THSD7A: variants seen among roughly 807,000 people sequenced by gnomAD.
THSD7A encodes the protein thrombospondin type-1 domain-containing protein 7A.
In THSD7A, 96 loss-of-function variants were observed where a neutral mutation model predicts 231.3. That is an observed-to-expected ratio of 0.41 (90% CI 0.35 to 0.49). The LOEUF is 0.49. Among genes scored for constraint, THSD7A ranks in the 20% least tolerant of loss-of-function variants. The pLI is 0.05. For missense variants in THSD7A, 2,290 were observed against 2,070.2 expected (o/e 1.11, Z -2.06); for synonymous variants, 940 against 743.3 (o/e 1.26, Z -4.30).
intron 1 of THSD7A, among the ~76,000 whole-genome samples, chr7:11,759,796 T>C (rs1782797912): frequency 1.3e-5 from 2 of 152,056 alleles, no homozygotes. Context: ...ATAACAATAG[T>C]GAACTAAAGA....
intron 17 of THSD7A, among the ~76,000 whole-genome samples, chr7:11,416,798 C>G (rs961326177): frequency 2.0e-5 from 3 of 152,174 alleles, no homozygotes; most frequent in African/African-American, 4.8e-5. Context: ...TCAAATGACT[C>G]TCTTCCCAGA....
chr7:11,564,200 A>G (rs1315100319), intron 4 of THSD7A, among the ~76,000 whole-genome samples: 1 of 152,200 alleles, frequency 6.6e-6, no homozygotes, highest in Non-Finnish European at 1.5e-5. Context: ...CCTGAAGAGC[A>G]TTCCTTTTTC....
intron 1 of THSD7A, among the ~76,000 whole-genome samples, chr7:11,802,064 C>T (rs1784292056): frequency 6.6e-6 from 1 of 152,154 alleles, no homozygotes; most frequent in Admixed American, 6.6e-5. Context: ...AACCACAAAA[C>T]TTCCGTCACA....
At chr7:11,598,087 C>T (rs1780428602) in intron 2 of THSD7A, among the ~76,000 whole-genome samples, 1 of 152,202 alleles carries the variant, frequency 6.6e-6, no homozygotes, top group South Asian at 2.1e-4. Flanking sequence ...GAAGGGAAAT[C>T]TTACCAGTGA....
At chr7:11,476,524 T>A (rs1362665884) in intron 7 of THSD7A, among the ~76,000 whole-genome samples, 1 of 152,106 alleles carries the variant, frequency 6.6e-6, no homozygotes, top group Admixed American at 6.6e-5. Context: ...TACTCAAGAT[T>A]GTGTAGAAAG....
At chr7:11,829,517 A>G (rs1038545066) in intron 1 of THSD7A, among the ~76,000 whole-genome samples, 8 of 152,154 alleles carry the variant, frequency 5.3e-5, no homozygotes, top group African/African-American at 1.4e-4. Context: ...AACTTTCACT[A>G]CATCATTTTA....
chr7:11,775,357 A>G (rs762290883), intron 1 of THSD7A, among the ~76,000 whole-genome samples: 10 of 152,190 alleles, frequency 6.6e-5, no homozygotes, highest in Admixed American at 1.3e-4. Context: ...GTATAAACCC[A>G]AAATAATTGA....
intron 1 of THSD7A, among the ~76,000 whole-genome samples, chr7:11,803,973 T>G (rs1406680413): frequency 1.3e-5 from 2 of 152,120 alleles, no homozygotes. Flanking sequence ...AAATACAGTT[T>G]TGTATGTATT....
In THSD7A at chr7:11,814,772, C is replaced by A. The variant is rs567814895; in HGVS notation, c.190+16985G>T. Reference sequence around the variant, plus strand: ...TTATGAATTATTTGATTTCATAAATCCAAATCCATTTTGATGACTCTCCCA... The same window carrying A: ...TTATGAATTATTTGATTTCATAAATACAAATCCATTTTGATGACTCTCCCA... On this transcript the variant is annotated intron_variant, in intron 1 of 27. Transcript: ENST00000423059. The surrounding 1 kb of genome is among the most constrained non-coding windows in gnomAD (Gnocchi z 5.1). Among the ~76,000 whole-genome samples, 1 of 152,080 alleles carries A rather than the reference C, an allele frequency of 6.6e-6. No homozygotes were observed. Among genetic ancestry groups the A allele is most frequent in the Non-Finnish European group, 1.5e-5 (1 of 68,004 alleles).
At chr7:11,752,431 A>T (rs1026982437) in intron 1 of THSD7A, among the ~76,000 whole-genome samples, 1 of 152,076 alleles carries the variant, frequency 6.6e-6, no homozygotes, top group African/African-American at 2.4e-5. Context: ...TGAAAGCAAT[A>T]TCAGTCCTTT....
rs184540189 is a variant in THSD7A, at chr7:11,504,165, C to T, written c.1823-22183G>A. Among the ~76,000 whole-genome samples the T allele has an allele frequency of 5.8e-4, 89 of 152,204 alleles. 2 individuals are homozygous for T. The highest frequency in any genetic ancestry group is 4.9e-4 in the Non-Finnish European group (33 of 68,004). The stretch of plus-strand genomic sequence containing the variant: ...CGAGATCATGTCTCTTGTGGGAACA[C>T]GGATGGAGCTGGAGGATATCATCCT... On this transcript the variant is annotated intron_variant, in intron 6 of 27. Coordinates refer to ENST00000423059, the MANE Select transcript of THSD7A (RefSeq NM_015204.3).
At chr7:11,546,757 G>A (rs1057376149) in intron 4 of THSD7A, among the ~76,000 whole-genome samples, 4 of 152,120 alleles carry the variant, frequency 2.6e-5, no homozygotes, top group African/African-American at 9.7e-5. Flanking sequence ...TTCAGAGTCT[G>A]GATGGCAATG....
At position 11,566,968 on chromosome 7, in the gene THSD7A, G is replaced by T. The variant is rs866359014; in HGVS notation, c.1453+23492C>A. On this transcript the variant is annotated intron_variant, in intron 4 of 27. Coordinates refer to ENST00000423059, the MANE Select transcript of THSD7A (RefSeq NM_015204.3). ...AGTGGATCCAGCTGTGGGAGAGTGG[G>T]GGGGGGACTGACCAACAAAGTTTCC... Among the ~76,000 whole-genome samples, 2 of 55,922 alleles carry T rather than the reference G, an allele frequency of 3.6e-5. 1 individual carries two copies. The highest frequency in any genetic ancestry group is 6.5e-5 in the Non-Finnish European group (2 of 30,792). 36.7% of individuals were successfully genotyped at this position (55,922 alleles called of 152,430 possible).
At chr7:11,733,165 T>C (rs1298407553) in intron 1 of THSD7A, among the ~76,000 whole-genome samples, 1 of 151,826 alleles carries the variant, frequency 6.6e-6, no homozygotes, top group Non-Finnish European at 1.5e-5. Context: ...GTAATAAAAA[T>C]CAATCAGTGA....
At chr7:11,438,541 G>C (rs1380188126) in intron 13 of THSD7A, among the ~76,000 whole-genome samples, 1 of 151,724 alleles carries the variant, frequency 6.6e-6, no homozygotes, top group Non-Finnish European at 1.5e-5. Flanking sequence ...AAGCATACTA[G>C]GCAAAGAGAG....
chr7:11,577,704 T>A (rs1367384386), intron 4 of THSD7A, among the ~76,000 whole-genome samples: 2 of 151,506 alleles, frequency 1.3e-5, no homozygotes, highest in East Asian at 3.9e-4. Flanking sequence ...AAGCTCCCTA[T>A]CTGGGCATTT....
Position 11,432,986 on chromosome 7 carries a change from C to G in THSD7A, c.3065-3861G>C, listed in dbSNP as rs116356359. 3.5e-3 allele frequency among the ~76,000 whole-genome samples: 534 copies of G among 152,086 alleles called. 3 individuals carry two copies. The highest frequency in any genetic ancestry group is 0.012 in the African/African-American group (509 of 41,542). On this transcript the variant is annotated intron_variant, in intron 13 of 27. Transcript: ENST00000423059. ...GTGGGCATTAGTCCCAGATAATCTT[C>G]TGGAGGGCAGATGTGGCAGAGTTGG...
rs1318914594 is a variant in THSD7A, at chr7:11,417,492, G to A, written c.3495C>T (p.Asp1165=). ...SRVCKLPCPE[D]CVISEWGPWT... is the part of the protein sequence containing the mutation. Reference sequence around the variant, plus strand: ...ATGGACCCCATTCAGATATCACACAGTCCTCAGGGCATGGTAATTTGCACA... The same window carrying A: ...ATGGACCCCATTCAGATATCACACAATCCTCAGGGCATGGTAATTTGCACA... The change falls in exon 17 of 28, where the codon GAC becomes GAT. Residue 1165 remains aspartate, a synonymous_variant. Transcript: ENST00000423059. The A allele has an allele frequency of 1.2e-6, 2 of 1,613,256 alleles. No homozygotes were observed. The highest frequency in any genetic ancestry group is 1.1e-5 in the South Asian group (1 of 90,960).
rs571153170 is a variant in THSD7A at position 11,685,205 on chromosome 7, T to A, written c.191-48244A>T. On this transcript the variant is annotated intron_variant, in intron 1 of 27. Transcript: ENST00000423059. ...AATGAAACTTGACCTATACCTCTCA[T>A]CATATACAAAAATTAATTTAAGATG... Among the ~76,000 whole-genome samples the A allele has an allele frequency of 3.3e-3, 500 of 151,790 alleles. 2 individuals are homozygous for A. Among genetic ancestry groups the A allele is most frequent in the African/African-American group, 0.011 (447 of 41,462 alleles).
Sources: allele counts gnomAD v4.1 joint callset (sites outside exome capture counted in the v4.1 genomes callset), GRCh38; gene constraint gnomAD v4.1.1; non-coding constraint Gnocchi (gnomAD v3.1); transcripts MANE v1.5; gene names NCBI Gene and HGNC (gene_info 2026-07-23, HGNC 2026-07-21).